The following SBF1 variants were observed in gnomAD, a reference collection of about 807,000 sequenced individuals.
The protein encoded by SBF1 is SET binding factor 1.
In SBF1, 65 loss-of-function variants were observed where a neutral mutation model predicts 215.8. The observed-to-expected ratio is 0.30, with a 90% CI of 0.25 to 0.37. SBF1 has a LOEUF of 0.37. Among genes scored for constraint, SBF1 ranks in the 10% least tolerant of loss-of-function variants. SBF1 has a pLI of 1.00. For missense variants in SBF1, 2,634 were observed against 2,667.8 expected, an observed-to-expected ratio of 0.99 and a Z score of 0.28; for synonymous variants, 1,410 against 1,122.8, an observed-to-expected ratio of 1.26 and a Z score of -5.11.
intron 1 of SBF1, among the ~76,000 whole-genome samples, chr22:50,474,211 C>G (rs73441499): frequency 0.07 from 10,597 of 152,260 alleles, 1,233 homozygotes; most frequent in African/African-American, 0.24. Flanking sequence ...TCTCTACTCT[C>G]GACGCTTCCT....
At position 50,459,671 on chromosome 22, in the gene SBF1, G is replaced by A; in HGVS notation, c.3492-5C>T. 1.3e-6 allele frequency: 2 copies of A among 1,597,092 alleles called. No individual in the cohort carries two copies. The highest frequency in any genetic ancestry group is 1.7e-6 in the Non-Finnish European group (2 of 1,174,118). ...ACGATCAGCAGCCCTGGGTAGCTGA[G>A]AGGAGGCAGAGGCGTGAAGGTGGCT... On this transcript the variant is annotated splice_region_variant and splice_polypyrimidine_tract_variant and intron_variant, in intron 26 of 40. Transcript: ENST00000380817.
At chr22:50,470,557 G>A (rs540024363) in intron 1 of SBF1, among the ~76,000 whole-genome samples, 1 of 152,196 alleles carries the variant, frequency 6.6e-6, no homozygotes, top group South Asian at 2.1e-4. Flanking sequence ...GCCCCAGACT[G>A]GCCCTTCAGG....
intron 5 of SBF1, chr22:50,467,010 G>C (rs2067792618): frequency 1.1e-5 from 6 of 567,800 alleles, no homozygotes; most frequent in Admixed American, 3.3e-5. Flanking sequence ...AGCTGCACAG[G>C]ACAGACGGGC....
At chr22:50,450,520 C>CAA (rs1412631899) in intron 36 of SBF1, among the ~76,000 whole-genome samples, 72 of 111,978 alleles carry the variant, frequency 6.4e-4, no homozygotes, top group African/African-American at 2.0e-3. Flanking sequence ...GACTCTGCCT[C>CAA]AAAAAAAAAA....
At chr22:50,454,474 G>T in intron 36 of SBF1, 38 bp downstream of exon 36, 2 of 1,544,060 alleles carry the variant, frequency 1.3e-6, no homozygotes, top group South Asian at 1.1e-5. Flanking sequence ...GAGAGGAGGG[G>T]GGTGCCAGGC....
intron 31 of SBF1, chr22:50,455,958 T>C (rs2067229120): frequency 1.8e-6 from 1 of 555,674 alleles, no homozygotes; most frequent in Non-Finnish European, 3.2e-6. Flanking sequence ...CGTGTGGTCA[T>C]CAGCCCACGT....
chr22:50,461,384 G>A, intron 22 of SBF1, 98 bp from the exon 23 acceptor site: 1 of 1,513,170 alleles, frequency 6.6e-7, no homozygotes, highest in Non-Finnish European at 8.9e-7. Flanking sequence ...CCAAGTGGGT[G>A]GGGAAGGAGC....
At position 50,454,800 on chromosome 22, in the gene SBF1, A is replaced by G. The variant is rs779920823; in HGVS notation, c.4812+14T>C. 5.6e-6 allele frequency: 9 copies of G among 1,613,044 alleles called. No homozygotes were observed. Among genetic ancestry groups the G allele is most frequent in the Non-Finnish European group, 7.6e-6 (9 of 1,179,598 alleles). On this transcript the variant is annotated intron_variant, in intron 35 of 40. Coordinates refer to ENST00000380817, the MANE Select transcript of SBF1 (RefSeq NM_002972.4). Reference sequence around the variant, plus strand: ...CGGGCAGGAGCCGCCTACCCGACCCAGGCCCCAGCTTACCTCTGCGTCCTC... The same window carrying G: ...CGGGCAGGAGCCGCCTACCCGACCCGGGCCCCAGCTTACCTCTGCGTCCTC...
chr22:50,472,804 A>C (rs1047643879), intron 1 of SBF1, among the ~76,000 whole-genome samples: 2 of 152,044 alleles, frequency 1.3e-5, no homozygotes, highest in African/African-American at 4.8e-5. Flanking sequence ...CCCAGTCTAT[A>C]GCCTTGTTCC....
rs1343158426 is a variant in SBF1, at chr22:50,466,499, A to G, written c.656-17T>C. 6.5e-7 allele frequency: 1 copy of G among 1,537,826 alleles called. No individual in the cohort carries two copies. The highest frequency in any genetic ancestry group is 2.0e-5 in the Admixed American group (1 of 49,966). ...TGGTGATGCCTAAAGGAAGAAGAGA[A>G]GCTTGGAGAGGACCCTGGGCCCCCA... On this transcript the variant is annotated splice_polypyrimidine_tract_variant and intron_variant, in intron 6 of 40. Transcript: ENST00000380817.
At chr22:50,474,189 G>A (rs1373530385) in intron 1 of SBF1, among the ~76,000 whole-genome samples, 2 of 152,230 alleles carry the variant, frequency 1.3e-5, no homozygotes, top group Admixed American at 6.5e-5. Flanking sequence ...CGAGTCGCCA[G>A]GAATGCTCTT....
At position 50,447,139 on chromosome 22, in the gene SBF1, G is replaced by A; in HGVS notation, c.*3C>T. 4 of 1,610,806 alleles carry A rather than the reference G, an allele frequency of 2.5e-6. No individual in the cohort carries two copies. Among genetic ancestry groups the A allele is most frequent in the Non-Finnish European group, 3.4e-6 (4 of 1,179,056 alleles). ...GCAGAGCAGCCGGGCAGGGCTGGGAGGCTCAGGCGTCCGACAGGCAGCTCT... is the reference window on the plus strand; with the variant it reads ...GCAGAGCAGCCGGGCAGGGCTGGGAAGCTCAGGCGTCCGACAGGCAGCTCT... On this transcript the variant is annotated 3_prime_UTR_variant, in exon 41 of 41. Coordinates refer to ENST00000380817, the MANE Select transcript of SBF1 (RefSeq NM_002972.4).
chr22:50,468,526 T>A, intron 1 of SBF1, 65 bp from the exon 2 acceptor site: 1 of 1,019,030 alleles, frequency 9.8e-7, no homozygotes, highest in Non-Finnish European at 1.3e-6. Context: ...GGCTTGAGGA[T>A]CCCAGGGTGG....
rs1160855771 is a variant in SBF1 at position 50,459,511 on chromosome 22, C to T, written c.3647G>A (p.Gly1216Asp). ...CTGGGCCTTGAAGAGGCCGACGACA[C>T]CTTTGCCATGCAGGCCTCCAGAGCG... Reference protein sequence around the residue: ...LLRSGGLHGKGVVGLFKAQNA... With the variant: ...LLRSGGLHGKDVVGLFKAQNA... Residue 1216 changes from glycine to aspartate, a missense_variant, in exon 27 of 41, where the codon GGT becomes GAT. Gly to Asp is a moderately conservative substitution (Grantham distance 94, BLOSUM62 -1). Transcript: ENST00000380817. 6.2e-7 allele frequency: 1 copy of T among 1,610,182 alleles called. No homozygotes were observed. Among genetic ancestry groups the T allele is most frequent in the East Asian group, 2.2e-5 (1 of 44,900 alleles).
At chr22:50,465,566 G>A (rs2067713198) in intron 10 of SBF1, among the ~76,000 whole-genome samples, 197 bp downstream of exon 10, 1 of 152,192 alleles carries the variant, frequency 6.6e-6, no homozygotes, top group African/African-American at 2.4e-5. Flanking sequence ...CCCTTGCTGG[G>A]CCCCTGCCGC....
At position 50,455,407 on chromosome 22, in the gene SBF1, C is replaced by A; in HGVS notation, c.4371G>T (p.Val1457=). 2 of 1,611,992 alleles carry A rather than the reference C, an allele frequency of 1.2e-6. No individual in the cohort carries two copies. Among genetic ancestry groups the A allele is most frequent in the South Asian group, 1.1e-5 (1 of 91,022 alleles). ...LEDGWDITTQ[V]VSLVQLLSDP... ...CTGAGAGCAGCTGCACCAAGGATAC[C>A]ACCTGCCAGCACCGCCAGGAGGTCA... is the stretch of plus-strand genomic sequence containing the variant. Residue 1457 remains valine (V), a splice_region_variant and synonymous_variant, in exon 33 of 41, where the codon GTG becomes GTT. Transcript: ENST00000380817.
rs571562651 is a variant in SBF1, at chr22:50,447,190, C to G, written c.5634G>C (p.Ser1878=). 1.9e-6 allele frequency: 3 copies of G among 1,613,596 alleles called. No individual in the cohort carries two copies. Among genetic ancestry groups the G allele is most frequent in the African/African-American group, 1.3e-5 (1 of 75,038 alleles). The change falls in exon 41 of 41, where the codon TCG becomes TCC. Residue 1878 remains serine, a synonymous_variant. Coordinates refer to ENST00000380817, the MANE Select transcript of SBF1 (RefSeq NM_002972.4). The stretch of plus-strand genomic sequence containing the variant: ...GGATCCGGTCCACCCACTGCTGGGC[C>G]GAGGGCACGTCCTGGGCACAGAAGT... The part of the protein sequence containing the change: ...VYNFCAQDVP[S]AQQWVDRIQS...
Position 50,447,026 on chromosome 22 carries a change from G to T in SBF1, c.*116C>A. On this transcript the variant is annotated 3_prime_UTR_variant, in exon 41 of 41. Transcript: ENST00000380817. ...GGGGCTGTACACACAAGTGCTGGGG[G>T]CTCGGGGCCTCAATACTGTCGAGGG... The T allele has an allele frequency of 1.1e-6, 1 of 905,386 alleles. No homozygotes were observed. The highest frequency in any genetic ancestry group is 1.7e-6 in the Non-Finnish European group (1 of 574,934). The allele number at this position is 905,386 out of a possible 1,614,324, so 56.1% of individuals were successfully genotyped here.
Position 50,454,459 on chromosome 22 carries a change from T to C in SBF1, c.5043+53A>G, listed in dbSNP as rs2148568087. The C allele has an allele frequency of 1.6e-5, 24 of 1,484,918 alleles. 1 individual carries two copies. In the South Asian group the frequency reaches 2.7e-4, roughly 17 times the overall value. The allele number at this position is 1,484,918 out of a possible 1,614,324, so 92.0% of individuals were successfully genotyped here. A position where few individuals can be genotyped will look rare whatever the true frequency, so the allele number is the denominator to read the frequency against. On this transcript the variant is annotated intron_variant, in intron 36 of 40. Coordinates refer to ENST00000380817, the MANE Select transcript of SBF1 (RefSeq NM_002972.4). ...CACACACACGCACGACCCTGGTGTC[T>C]GAGCGAGAGGAGGGGGGTGCCAGGC... is the stretch of plus-strand genomic sequence containing the variant.
Sources: gnomAD v4.1 joint callset for allele counts (sites outside exome capture counted in the v4.1 genomes callset) on GRCh38, gnomAD v4.1.1 for gene constraint, MANE v1.5 for transcripts, NCBI Gene and HGNC (gene_info 2026-07-23, HGNC 2026-07-21) for gene names.